Variants in LPP observed in about 807,000 individuals in gnomAD.
LPP encodes the protein LIM domain containing preferred translocation partner in lipoma.
Under a neutral mutation model 60.4 loss-of-function variants are expected in LPP, and 38 were observed. That is an observed-to-expected ratio of 0.63 (90% CI 0.49 to 0.83). The LOEUF is 0.83. Ranked by LOEUF, LPP falls within the 40% of genes least tolerant of loss-of-function variation. The pLI is 0.00. For missense variants in LPP, 902 were observed against 783.6 expected (o/e 1.15, Z -1.80); for synonymous variants, 328 against 290.8 (o/e 1.13, Z -1.30).
At chr3:188,659,400 A>C (rs1312637537) in intron 7 of LPP, among the ~76,000 whole-genome samples, 1 of 152,242 alleles carries the variant, frequency 6.6e-6, no homozygotes, top group Non-Finnish European at 1.5e-5. Flanking sequence ...TCCACCTTGG[A>C]ACTGTTTTTA....
In LPP at chr3:188,887,988, T is replaced by A. The variant is rs1770871317; in HGVS notation, c.*13509T>A. On this transcript the variant is annotated 3_prime_UTR_variant, in exon 12 of 12. Transcript: ENST00000617246. ...CTCAAAGAGCAAATAGAATTAAACA[T>A]GACACTTGATTGTCTGATTATTTGG... 1 of 209,838 alleles carries A rather than the reference T, an allele frequency of 4.8e-6. No homozygotes were observed. Among genetic ancestry groups the A allele is most frequent in the African/African-American group, 2.3e-5 (1 of 44,048 alleles). The allele number at this position is 209,838 out of a possible 1,614,324, so 13.0% of individuals were successfully genotyped here. A position where few individuals can be genotyped will look rare whatever the true frequency, so the allele number is the denominator to read the frequency against.
In LPP at chr3:188,499,490, A is replaced by G. The variant is rs149214589; in HGVS notation, c.306+14786A>G. Among the ~76,000 whole-genome samples the G allele has an allele frequency of 2.1e-3, 313 of 152,282 alleles. 1 individual carries two copies. Among genetic ancestry groups the G allele is most frequent in the African/African-American group, 6.2e-3 (258 of 41,570 alleles). On this transcript the variant is annotated intron_variant, in intron 5 of 11. Coordinates refer to ENST00000617246, the MANE Select transcript of LPP (RefSeq NM_001375462.1). Reference sequence around the variant, plus strand: ...TCTTATGTGTTATTATGCCAATAGCACACTGTTTTGCTTACTTTAGCTTTG... The same window carrying G: ...TCTTATGTGTTATTATGCCAATAGCGCACTGTTTTGCTTACTTTAGCTTTG...
In LPP at chr3:188,367,045, C is replaced by T. The variant is rs141235130; in HGVS notation, c.-10+25326C>T. ...CCGAATAGGTGGGACTACAGGCACC[C>T]GCCACCATGCCCGGCTAATTTTTTG... On this transcript the variant is annotated intron_variant, in intron 3 of 11. Coordinates refer to ENST00000617246, the MANE Select transcript of LPP (RefSeq NM_001375462.1). Among the ~76,000 whole-genome samples, 235 of 152,112 alleles carry T rather than the reference C, an allele frequency of 1.5e-3. 1 individual carries two copies. Among genetic ancestry groups the T allele is most frequent in the Middle Eastern group, 3.4e-3 (1 of 292 alleles).
At chr3:188,588,204 C>G (rs1837906324) in intron 6 of LPP, among the ~76,000 whole-genome samples, 1 of 152,134 alleles carries the variant, frequency 6.6e-6, no homozygotes, top group East Asian at 1.9e-4. Flanking sequence ...CTGTGTTTTT[C>G]AAGACAAAAT....
intron 6 of LPP, among the ~76,000 whole-genome samples, chr3:188,553,009 A>G (rs1474338879): frequency 6.6e-6 from 1 of 152,176 alleles, no homozygotes; most frequent in African/African-American, 2.4e-5. Flanking sequence ...GCAGCCAGTC[A>G]TAAAGTGTGT....
intron 5 of LPP, among the ~76,000 whole-genome samples, chr3:188,487,909 A>G (rs1032643075): frequency 6.6e-6 from 1 of 152,226 alleles, no homozygotes; most frequent in Non-Finnish European, 1.5e-5. Flanking sequence ...AAGAGTGATT[A>G]TAAGAGTTGT....
intron 6 of LPP, among the ~76,000 whole-genome samples, chr3:188,598,433 A>C (rs1310871408): frequency 1.3e-5 from 2 of 152,150 alleles, no homozygotes; most frequent in Non-Finnish European, 2.9e-5. Context: ...GGACTAGGGC[A>C]CCAATAAGTT....
intron 2 of LPP, among the ~76,000 whole-genome samples, chr3:188,241,642 A>G (rs1577491901): frequency 6.6e-6 from 1 of 152,016 alleles, no homozygotes; most frequent in East Asian, 1.9e-4. Flanking sequence ...TCTTTTACTG[A>G]AAAATAAAAG....
chr3:188,665,994 G>A (rs901271093), intron 7 of LPP, among the ~76,000 whole-genome samples: 1 of 152,172 alleles, frequency 6.6e-6, no homozygotes, highest in Admixed American at 6.5e-5. Flanking sequence ...GGTCAGAAAT[G>A]CAGTCATTTA....
At chr3:188,554,836 G>T (rs981553890) in intron 6 of LPP, among the ~76,000 whole-genome samples, 1 of 152,022 alleles carries the variant, frequency 6.6e-6, no homozygotes, top group Non-Finnish European at 1.5e-5. Context: ...AGACTTATTG[G>T]GTGGCAAGCT....
chr3:188,544,830 A>G (rs1826121434), intron 6 of LPP, among the ~76,000 whole-genome samples: 1 of 19,288 alleles, frequency 5.2e-5, no homozygotes, highest in Admixed American at 5.2e-4. Flanking sequence ...CACTATTCAC[A>G]ATAGCAAAGA....
chr3:188,885,401 C>T lies in LPP; in HGVS notation c.*10922C>T, dbSNP rs960399305. ...AATGACTTCTCACCCCTTCCTAGTCCTCATGCCTGAGGAATAAGGGCGACA... is the reference window on the plus strand; with the variant it reads ...AATGACTTCTCACCCCTTCCTAGTCTTCATGCCTGAGGAATAAGGGCGACA... On this transcript the variant is annotated 3_prime_UTR_variant, in exon 12 of 12. Transcript: ENST00000617246. 1.6e-5 allele frequency: 3 copies of T among 192,798 alleles called. No individual in the cohort carries two copies. Among genetic ancestry groups the T allele is most frequent in the African/African-American group, 2.3e-5 (1 of 43,044 alleles). 11.9% of individuals were successfully genotyped at this position (192,798 alleles called of 1,614,324 possible). A position where few individuals can be genotyped will look rare whatever the true frequency, so the allele number is the denominator to read the frequency against.
chr3:188,799,445 T>C (rs539451591), intron 9 of LPP, among the ~76,000 whole-genome samples: 2 of 152,368 alleles, frequency 1.3e-5, no homozygotes, highest in African/African-American at 4.8e-5. Context: ...TGGGGATCAC[T>C]GCAAATGTCT....
chr3:188,261,878 T>C (rs944491313), intron 2 of LPP, among the ~76,000 whole-genome samples: 2 of 152,170 alleles, frequency 1.3e-5, no homozygotes, highest in African/African-American at 4.8e-5. Context: ...AACGGTGCCA[T>C]TGCACTTCAG....
At chr3:188,640,374 G>A (rs1488356770) in intron 7 of LPP, among the ~76,000 whole-genome samples, 22 of 117,626 alleles carry the variant, frequency 1.9e-4, no homozygotes, top group Non-Finnish European at 2.2e-4. Context: ...GTTGTGGGGT[G>A]GGGGGAGGGG....
intron 7 of LPP, among the ~76,000 whole-genome samples, chr3:188,642,049 A>G (rs925285147): frequency 2.0e-5 from 3 of 152,194 alleles, no homozygotes; most frequent in African/African-American, 7.2e-5. Flanking sequence ...TATTGGTGAT[A>G]CTGACATCTG....
intron 3 of LPP, among the ~76,000 whole-genome samples, chr3:188,343,446 A>G (rs1763566799): frequency 6.6e-6 from 1 of 152,212 alleles, no homozygotes. Context: ...ATCAGAAAAG[A>G]ATGTACTGTA....
At chr3:188,370,615 G>T (rs1010682863) in intron 3 of LPP, among the ~76,000 whole-genome samples, 1 of 152,108 alleles carries the variant, frequency 6.6e-6, no homozygotes, top group Non-Finnish European at 1.5e-5. Flanking sequence ...CACAGTTTAC[G>T]CAATTTGTTT....
chr3:188,761,060 T>C (rs1469641494), intron 9 of LPP, among the ~76,000 whole-genome samples: 1 of 152,238 alleles, frequency 6.6e-6, no homozygotes, highest in Non-Finnish European at 1.5e-5. Context: ...TATTGTAAAT[T>C]TCTTTGCTAT....
Sources: allele counts gnomAD v4.1 joint callset (sites outside exome capture counted in the v4.1 genomes callset), GRCh38; gene constraint gnomAD v4.1.1; transcripts MANE v1.5; gene names NCBI Gene and HGNC (gene_info 2026-07-23, HGNC 2026-07-21).